FAM174B: variants seen among roughly 807,000 people sequenced by gnomAD.
FAM174B encodes family with sequence similarity 174 member B.
FAM174B carries 12 observed loss-of-function variants against 10.9 expected under a neutral mutation model. The observed-to-expected ratio is 1.10, with a 90% confidence interval of 0.71 to 1.79. The LOEUF (loss-of-function observed/expected upper bound fraction) is 1.79. FAM174B is among the 40% of genes most tolerant of loss of function. The pLI is 0.00. For synonymous variants in FAM174B, 132 were observed against 115.8 expected, an observed-to-expected ratio of 1.14 and a Z score of -0.90; for missense variants, 266 against 233.3, an observed-to-expected ratio of 1.14 and a Z score of -0.91.
At chr15:92,652,729 G>A (rs1425907813) in intron 1 of FAM174B, among the ~76,000 whole-genome samples, 1 of 152,174 alleles carries the variant, frequency 6.6e-6, no homozygotes, top group Non-Finnish European at 1.5e-5. Context: ...AGGTGGTGTG[G>A]GCAGAGGTGA....
At position 92,619,623 on chromosome 15, in the gene FAM174B, CTTCCA is replaced by C; in HGVS notation, c.477-169_477-165del. 5.4e-6 allele frequency: 4 copies of C among 734,216 alleles called. No homozygotes were observed. The South Asian group carries it at 7.7e-5, about 14-fold the overall frequency. 45.5% of individuals were successfully genotyped at this position (734,216 alleles called of 1,614,324 possible). On this transcript the variant is annotated intron_variant, in intron 2 of 2. Coordinates refer to ENST00000327355, the MANE Select transcript of FAM174B (RefSeq NM_207446.3). Reference sequence around the variant, plus strand: ...TGCTGTCTGGAAGGCGCAATCCACTCTTCCAGCAAACCCCCTCCCTCCCCACAGTT... The same window carrying C: ...TGCTGTCTGGAAGGCGCAATCCACTCGCAAACCCCCTCCCTCCCCACAGTT...
At chr15:92,648,167 A>G (rs2050940924) in intron 1 of FAM174B, among the ~76,000 whole-genome samples, 1 of 152,112 alleles carries the variant, frequency 6.6e-6, no homozygotes, top group African/African-American at 2.4e-5. Context: ...ATCTCCCTAA[A>G]ATGTATAAAA....
intron 1 of FAM174B, among the ~76,000 whole-genome samples, chr15:92,644,388 C>T (rs892398906): frequency 8.5e-5 from 13 of 152,162 alleles, no homozygotes; most frequent in Non-Finnish European, 1.5e-5. Context: ...TCTTACTCCA[C>T]TGCAGATGGG....
chr15:92,618,045 C>G lies in FAM174B; in HGVS notation c.*1411G>C. On this transcript the variant is annotated 3_prime_UTR_variant, in exon 3 of 3. Coordinates refer to ENST00000327355, the MANE Select transcript of FAM174B (RefSeq NM_207446.3). ...AACTCTTCTCAGAAAACTGAAGAAC[C>G]GAAGATGGAGGTGAGTCAGGAAAGG... 1 of 255,602 alleles carries G rather than the reference C, an allele frequency of 3.9e-6. No individual in the cohort carries two copies. Among genetic ancestry groups the G allele is most frequent in the Non-Finnish European group, 7.3e-6 (1 of 136,802 alleles). The allele number at this position is 255,602 out of a possible 1,614,324, so 15.8% of individuals were successfully genotyped here. A position where few individuals can be genotyped will look rare whatever the true frequency, so the allele number is the denominator to read the frequency against.
chr15:92,630,838 T>C (rs1429307066), intron 1 of FAM174B, among the ~76,000 whole-genome samples: 26 of 51,750 alleles, frequency 5.0e-4, no homozygotes, highest in Non-Finnish European at 8.6e-4. Flanking sequence ...ATATATTATA[T>C]ATATTACATA....
rs138194988 is a variant in FAM174B at position 92,622,572 on chromosome 15, T to C, written c.477-3113A>G. Among the ~76,000 whole-genome samples, 54 of 152,372 alleles carry C rather than the reference T, an allele frequency of 3.5e-4. No individual in the cohort carries two copies. In the East Asian group the frequency reaches 7.3e-3, roughly 21 times the overall value. The stretch of plus-strand genomic sequence containing the variant: ...CTAGCTGTTTCCCTGTGGCCATCTA[T>C]TGGCCAGAAGCTTTGGGGTTCCCCC... On this transcript the variant is annotated intron_variant, in intron 2 of 2. Coordinates refer to ENST00000327355, the MANE Select transcript of FAM174B (RefSeq NM_207446.3).
At chr15:92,628,072 T>C (rs1264795605) in intron 2 of FAM174B, among the ~76,000 whole-genome samples, 1 of 152,222 alleles carries the variant, frequency 6.6e-6, no homozygotes, top group Admixed American at 6.5e-5. Context: ...AAATCATCCC[T>C]AAATTATTCC....
intron 2 of FAM174B, among the ~76,000 whole-genome samples, chr15:92,620,814 CAAAAAAAAAAAA>C (rs34607670): frequency 2.8e-5 from 2 of 71,376 alleles, no homozygotes; most frequent in African/African-American, 5.9e-5. Context: ...GACTCTGTCT[CAAAAAAAAAAAA>C]AAAAAAAAAA....
At chr15:92,623,500 C>T (rs536597322) in intron 2 of FAM174B, among the ~76,000 whole-genome samples, 3 of 152,292 alleles carry the variant, frequency 2.0e-5, no homozygotes, top group African/African-American at 4.8e-5. Context: ...CCCACCGTGC[C>T]GCAGGATGAC....
chr15:92,642,909 T>C (rs2050900728), intron 1 of FAM174B, among the ~76,000 whole-genome samples: 1 of 152,074 alleles, frequency 6.6e-6, no homozygotes, highest in African/African-American at 2.4e-5. Flanking sequence ...CTGTACTAAA[T>C]AAAATAAGCT....
chr15:92,642,723 T>C lies in FAM174B; in HGVS notation c.345-12378A>G, dbSNP rs138009657. 4.4e-3 allele frequency among the ~76,000 whole-genome samples: 667 copies of C among 152,352 alleles called. 4 individuals carry two copies. The highest frequency in any genetic ancestry group is 0.015 in the African/African-American group (642 of 41,574). On this transcript the variant is annotated intron_variant, in intron 1 of 2. Coordinates refer to ENST00000327355, the MANE Select transcript of FAM174B (RefSeq NM_207446.3). Reference sequence around the variant, plus strand: ...TTAACTGTGAGGCAATTAAACCTCTTTCCTTCATAAATTTCCCAGTCTCAG... The same window carrying C: ...TTAACTGTGAGGCAATTAAACCTCTCTCCTTCATAAATTTCCCAGTCTCAG...
At position 92,655,589 on chromosome 15, in the gene FAM174B, G is replaced by T. The variant is rs2050999210; in HGVS notation, c.71C>A (p.Ala24Asp). The T allele has an allele frequency of 1.5e-6, 2 of 1,305,296 alleles. No individual in the cohort carries two copies. The highest frequency in any genetic ancestry group is 1.6e-5 in the African/African-American group (1 of 64,366). 80.9% of individuals were successfully genotyped at this position (1,305,296 alleles called of 1,614,324 possible). The change falls in exon 1 of 3, where the codon GCC (alanine) becomes GAC (aspartate). Residue 24 changes from alanine to aspartate, a missense_variant. Coordinates refer to ENST00000327355, the MANE Select transcript of FAM174B (RefSeq NM_207446.3). ...LLLALLAAPA[A>D]RASRAESVSA... ...GACGGACTCGGCTCTGCTGGCGCGG[G>T]CGGCGGGAGCGGCCAGGAGCGCGAG...
chr15:92,623,756 G>A (rs1048958957), intron 2 of FAM174B, among the ~76,000 whole-genome samples: 3 of 152,200 alleles, frequency 2.0e-5, no homozygotes, highest in Non-Finnish European at 2.9e-5. Context: ...AGGAGGCCTG[G>A]CCTGTCTGTG....
intron 1 of FAM174B, among the ~76,000 whole-genome samples, chr15:92,650,973 G>C (rs1567051030): frequency 6.6e-6 from 1 of 152,168 alleles, no homozygotes; most frequent in South Asian, 2.1e-4. Flanking sequence ...AAAATGGTTT[G>C]CCTTAATGAT....
chr15:92,653,547 G>A (rs1368315223), intron 1 of FAM174B, among the ~76,000 whole-genome samples: 2 of 152,230 alleles, frequency 1.3e-5, no homozygotes, highest in Non-Finnish European at 2.9e-5. Flanking sequence ...GGCCCGCATC[G>A]GGCATGGAGA....
intron 1 of FAM174B, among the ~76,000 whole-genome samples, chr15:92,643,128 CTTTA>C (rs1362339032): frequency 2.9e-4 from 19 of 65,470 alleles, no homozygotes; most frequent in Non-Finnish European, 5.0e-4. Flanking sequence ...GAGTTGGACA[CTTTA>C]TTTGTTTTTT....
chr15:92,645,926 T>C (rs1300659792), intron 1 of FAM174B, among the ~76,000 whole-genome samples: 1 of 152,206 alleles, frequency 6.6e-6, no homozygotes, highest in Admixed American at 6.5e-5. Context: ...AAGGCCCAGC[T>C]GCATGGCTGG....
chr15:92,637,781 A>T (rs777729930), intron 1 of FAM174B, among the ~76,000 whole-genome samples: 1 of 152,102 alleles, frequency 6.6e-6, no homozygotes, highest in Non-Finnish European at 1.5e-5. Context: ...CAGAGACTAC[A>T]CGGCTGTGAT....
At chr15:92,623,771 T>C (rs1439587992) in intron 2 of FAM174B, among the ~76,000 whole-genome samples, 2 of 152,196 alleles carry the variant, frequency 1.3e-5, no homozygotes, top group East Asian at 3.9e-4. Context: ...TCTGTGAGTA[T>C]GTCTGAGACA....
Sources: allele counts gnomAD v4.1 joint callset (sites outside exome capture counted in the v4.1 genomes callset), GRCh38; gene constraint gnomAD v4.1.1; transcripts MANE v1.5; gene names NCBI Gene and HGNC (gene_info 2026-07-23, HGNC 2026-07-21).